FREM2: variants seen among roughly 807,000 people sequenced by gnomAD.
FREM2 encodes the protein FRAS1 related extracellular matrix 2, also known as FRAS1-related extracellular matrix protein 2.
In FREM2, 119 loss-of-function variants were observed where a neutral mutation model predicts 219.9. The ratio of observed to expected loss-of-function variants is 0.54; its 90% CI spans 0.47 to 0.63. The LOEUF (loss-of-function observed/expected upper bound fraction) is 0.63, where lower values mean the gene tolerates loss of function less well. Ranked by LOEUF, FREM2 falls within the 30% of genes least tolerant of loss-of-function variation. The pLI is 0.00. For missense variants in FREM2, 4,030 were observed against 3,993.6 expected, an observed-to-expected ratio of 1.01 and a Z score of -0.25; for synonymous variants, 1,562 against 1,522.8, an observed-to-expected ratio of 1.03 and a Z score of -0.60.
chr13:38,777,175 C>CAT (rs920802672), intron 4 of FREM2, among the ~76,000 whole-genome samples: 1 of 151,766 alleles, frequency 6.6e-6, no homozygotes, highest in African/African-American at 2.4e-5. Context: ...TGTATACAAT[C>CAT]ATATATATAT....
chr13:38,856,066 A>AT, intron 11 of FREM2, 60 bp from the exon 12 acceptor site: 3 of 1,177,494 alleles, frequency 2.5e-6, no homozygotes, highest in African/African-American at 1.7e-5. Flanking sequence ...AAAAAAAAAA[A>AT]ATAGAAAACT....
intron 4 of FREM2, among the ~76,000 whole-genome samples, chr13:38,778,203 C>T (rs1400100820): frequency 1.3e-5 from 2 of 152,164 alleles, no homozygotes; most frequent in Non-Finnish European, 2.9e-5. Flanking sequence ...CTGTCTTAGT[C>T]AGCTCAGGCT....
chr13:38,738,587 A>C (rs1872100965), intron 2 of FREM2, among the ~76,000 whole-genome samples: 1 of 150,976 alleles, frequency 6.6e-6, no homozygotes, highest in Admixed American at 6.6e-5. Flanking sequence ...AAAAAAAAAA[A>C]AAAAGAGAGA....
At chr13:38,803,360 G>A (rs895607587) in intron 6 of FREM2, among the ~76,000 whole-genome samples, 4 of 152,116 alleles carry the variant, frequency 2.6e-5, no homozygotes, top group African/African-American at 9.7e-5. Flanking sequence ...TAGGTCAGGG[G>A]CGCTAGAAGT....
At chr13:38,711,546 A>G (rs887757820) in intron 2 of FREM2, among the ~76,000 whole-genome samples, 3 of 152,202 alleles carry the variant, frequency 2.0e-5, no homozygotes, top group African/African-American at 7.2e-5. Flanking sequence ...ACCATGTGTT[A>G]TAGAGTCCTT....
At chr13:38,746,217 A>G (rs1361436442) in intron 2 of FREM2, among the ~76,000 whole-genome samples, 1 of 152,188 alleles carries the variant, frequency 6.6e-6, no homozygotes, top group African/African-American at 2.4e-5. Flanking sequence ...CTTTTTCTGC[A>G]TAACAACATC....
chr13:38,803,934 A>T (rs958842081), intron 6 of FREM2, among the ~76,000 whole-genome samples: 2 of 151,784 alleles, frequency 1.3e-5, no homozygotes, highest in Non-Finnish European at 2.9e-5. Flanking sequence ...TGTGAATGAA[A>T]TTTTTTTATT....
chr13:38,694,692 GA>G (rs1292580316), intron 1 of FREM2, among the ~76,000 whole-genome samples: 1 of 152,036 alleles, frequency 6.6e-6, no homozygotes, highest in Non-Finnish European at 1.5e-5. Context: ...GTTCCTAGAA[GA>G]AAAAAATTAA....
chr13:38,807,035 A>G (rs549056976), intron 6 of FREM2, among the ~76,000 whole-genome samples: 1 of 150,584 alleles, frequency 6.6e-6, no homozygotes, highest in Non-Finnish European at 1.5e-5. Flanking sequence ...TCAGGCTCCA[A>G]TTCTAGCTCT....
chr13:38,689,594 C>A lies in FREM2; in HGVS notation c.2250C>A (p.Asp750Glu), dbSNP rs41292755. The A allele has an allele frequency of 9.8e-5, 158 of 1,612,690 alleles. No individual in the cohort carries two copies. The highest frequency in any genetic ancestry group is 1.3e-4 in the Non-Finnish European group (157 of 1,179,280). ...YTVTQPPTDTDENHLPAPLGT... is the reference protein window; with the variant it reads ...YTVTQPPTDTEENHLPAPLGT... The stretch of plus-strand genomic sequence containing the variant: ...TGACTCAGCCCCCCACAGACACAGA[C>A]GAAAATCACCTGCCAGCCCCACTGG... The change falls in exon 1 of 24, where the codon GAC becomes GAA. Residue 750 changes from aspartate to glutamate, a missense_variant. Physicochemically the swap from Asp to Glu is conservative, Grantham distance 45. Coordinates refer to ENST00000280481, the MANE Select transcript of FREM2 (RefSeq NM_207361.6).
At chr13:38,773,938 A>G (rs184068315) in intron 4 of FREM2, among the ~76,000 whole-genome samples, 9 of 151,844 alleles carry the variant, frequency 5.9e-5, no homozygotes, top group East Asian at 1.9e-4. Context: ...AAGTCACCCA[A>G]CTAATAAGTG....
chr13:38,767,204 A>T (rs1276687743), intron 3 of FREM2, among the ~76,000 whole-genome samples: 1 of 152,238 alleles, frequency 6.6e-6, no homozygotes, highest in Non-Finnish European at 1.5e-5. Flanking sequence ...TGGATGGGAT[A>T]TAAAATCTAT....
intron 6 of FREM2, among the ~76,000 whole-genome samples, chr13:38,819,778 T>C (rs1875963171): frequency 6.6e-6 from 1 of 152,146 alleles, no homozygotes. Flanking sequence ...GGTTTTATCA[T>C]CTGTGAGTGG....
chr13:38,760,195 A>T (rs1167109169), intron 2 of FREM2, among the ~76,000 whole-genome samples: 1 of 152,158 alleles, frequency 6.6e-6, no homozygotes, highest in Non-Finnish European at 1.5e-5. Flanking sequence ...GGAATTCTAA[A>T]TTTTCTATGA....
At chr13:38,767,061 G>A (rs544769137) in intron 3 of FREM2, among the ~76,000 whole-genome samples, 1 of 152,306 alleles carries the variant, frequency 6.6e-6, no homozygotes, top group East Asian at 1.9e-4. Flanking sequence ...TTTAAAGTTA[G>A]CCAGCTAGTA....
At chr13:38,800,556 T>A (rs1179995223) in intron 6 of FREM2, among the ~76,000 whole-genome samples, 1 of 152,154 alleles carries the variant, frequency 6.6e-6, no homozygotes, top group Non-Finnish European at 1.5e-5. Context: ...TTACATCTGT[T>A]TGGGGATATA....
At chr13:38,764,947 G>A (rs1453986548) in intron 3 of FREM2, among the ~76,000 whole-genome samples, 2 of 152,200 alleles carry the variant, frequency 1.3e-5, no homozygotes, top group African/African-American at 4.8e-5. Flanking sequence ...GGCTCGCTCT[G>A]TTGCCCAGGT....
chr13:38,708,338 T>C (rs1870621844), intron 2 of FREM2, among the ~76,000 whole-genome samples: 1 of 152,182 alleles, frequency 6.6e-6, no homozygotes, highest in Non-Finnish European at 1.5e-5. Flanking sequence ...ATAGCTTGTT[T>C]CCAAAATTAC....
chr13:38,763,934 C>G (rs1366729630), intron 2 of FREM2, among the ~76,000 whole-genome samples: 4 of 152,156 alleles, frequency 2.6e-5, no homozygotes, highest in Non-Finnish European at 2.9e-5. Flanking sequence ...CACAAAGGAG[C>G]CTTGCAGCCC....
Sources: gnomAD v4.1 joint callset for allele counts (sites outside exome capture counted in the v4.1 genomes callset) on GRCh38, gnomAD v4.1.1 for gene constraint, MANE v1.5 for transcripts, NCBI Gene and HGNC (gene_info 2026-07-23, HGNC 2026-07-21) for gene names.